The following THSD7B variants were observed in gnomAD, a reference collection of about 807,000 sequenced individuals.
THSD7B encodes the protein thrombospondin type-1 domain-containing protein 7B.
THSD7B carries 138 observed loss-of-function variants against 213.6 expected under a neutral mutation model. The observed-to-expected ratio is 0.65, with a 90% CI of 0.56 to 0.74. The LOEUF (loss-of-function observed/expected upper bound fraction) is 0.74, where lower values mean the gene tolerates loss of function less well. THSD7B is among the 30% of genes least tolerant of loss of function. The pLI is 0.00. For synonymous variants in THSD7B, 742 were observed against 687.0 expected, an observed-to-expected ratio of 1.08 and a Z score of -1.25; for missense variants, 1,931 against 1,991.5, an observed-to-expected ratio of 0.97 and a Z score of 0.58.
chr2:137,520,358 A>G (rs906077657), intron 15 of THSD7B, among the ~76,000 whole-genome samples: 1 of 152,238 alleles, frequency 6.6e-6, no homozygotes, highest in Non-Finnish European at 1.5e-5. Context: ...TTTTTATTGA[A>G]TGCTAACCAT....
chr2:137,615,903 A>T (rs1394041196), intron 17 of THSD7B, among the ~76,000 whole-genome samples: 1 of 152,154 alleles, frequency 6.6e-6, no homozygotes, highest in Non-Finnish European at 1.5e-5. Flanking sequence ...TGTGAGTTTA[A>T]ATGATAGAAA....
chr2:136,815,595 C>T (rs1036480796), intron 1 of THSD7B, among the ~76,000 whole-genome samples: 2 of 152,052 alleles, frequency 1.3e-5, no homozygotes, highest in Non-Finnish European at 2.9e-5. Context: ...AACATTAAAC[C>T]CATGGTTTCA....
intron 2 of THSD7B, among the ~76,000 whole-genome samples, chr2:137,023,541 G>T (rs1482270341): frequency 6.6e-6 from 1 of 152,190 alleles, no homozygotes; most frequent in Non-Finnish European, 1.5e-5. Flanking sequence ...AAATTAAAGG[G>T]AAGTAAGGAG....
intron 12 of THSD7B, among the ~76,000 whole-genome samples, chr2:137,361,573 C>G (rs1685260936): frequency 6.6e-6 from 1 of 152,106 alleles, no homozygotes. Flanking sequence ...GGCACGAGAA[C>G]TACATGATGC....
chr2:137,008,522 A>G (rs946903548), intron 2 of THSD7B, among the ~76,000 whole-genome samples: 1 of 152,192 alleles, frequency 6.6e-6, no homozygotes, highest in Non-Finnish European at 1.5e-5. Flanking sequence ...ATAGTACTTT[A>G]GTTAACCAGG....
intron 2 of THSD7B, among the ~76,000 whole-genome samples, chr2:136,969,545 A>G (rs550923873): frequency 3.8e-4 from 58 of 152,274 alleles, no homozygotes; most frequent in African/African-American, 1.3e-3. Flanking sequence ...AATTCATCCT[A>G]TGTATTTTCC....
At chr2:137,070,711 CT>C (rs1351461645) in intron 3 of THSD7B, among the ~76,000 whole-genome samples, 1 of 152,172 alleles carries the variant, frequency 6.6e-6, no homozygotes, top group African/African-American at 2.4e-5. Context: ...ATCCCTCCCC[CT>C]GTCCCCCACC....
At chr2:137,189,737 G>A (rs536995691) in intron 7 of THSD7B, among the ~76,000 whole-genome samples, 2 of 151,904 alleles carry the variant, frequency 1.3e-5, no homozygotes, top group East Asian at 3.9e-4. Flanking sequence ...CTTTGCCAAG[G>A]GTATTTCTGA....
At chr2:137,496,234 A>G (rs1262257596) in intron 15 of THSD7B, among the ~76,000 whole-genome samples, 3 of 152,186 alleles carry the variant, frequency 2.0e-5, no homozygotes, top group African/African-American at 7.2e-5. Flanking sequence ...CGATGAGTAG[A>G]TTCCAGGTCC....
chr2:136,880,720 A>G (rs1373001387), intron 1 of THSD7B, among the ~76,000 whole-genome samples: 4 of 152,112 alleles, frequency 2.6e-5, no homozygotes, highest in African/African-American at 7.2e-5. Context: ...AGCAATTTCT[A>G]TGACTTCTCA....
chr2:137,285,915 C>G (rs1000366691), intron 12 of THSD7B, among the ~76,000 whole-genome samples: 2 of 151,784 alleles, frequency 1.3e-5, no homozygotes, highest in African/African-American at 4.8e-5. Context: ...ACCAGCCTGA[C>G]CAACATGGTG....
intron 15 of THSD7B, among the ~76,000 whole-genome samples, chr2:137,556,794 T>C (rs1442910922): frequency 1.3e-5 from 2 of 151,840 alleles, no homozygotes; most frequent in Non-Finnish European, 2.9e-5. Context: ...ATTCAGGAGA[T>C]CCATCTCACT....
chr2:137,567,893 A>G (rs1461598373), intron 16 of THSD7B, among the ~76,000 whole-genome samples: 2 of 152,190 alleles, frequency 1.3e-5, no homozygotes, highest in East Asian at 3.8e-4. Context: ...TTATAAATTT[A>G]GTATTTATTG....
rs544618183 is a variant in THSD7B, at chr2:137,234,758, A to G, written c.2150+1625A>G. ...GTGATCGGTTTGCCAAGGATTGGATATGAAGATCAAGGGAAGTGTATGTTT... is the reference window on the plus strand; with the variant it reads ...GTGATCGGTTTGCCAAGGATTGGATGTGAAGATCAAGGGAAGTGTATGTTT... On this transcript the variant is annotated intron_variant, in intron 9 of 27. Transcript: ENST00000409968. Among the ~76,000 whole-genome samples the G allele has an allele frequency of 3.9e-5, 6 of 152,332 alleles. No individual in the cohort carries two copies. The East Asian group carries it at 1.2e-3, about 29-fold the overall frequency.
chr2:137,194,534 A>G (rs1159059480), intron 7 of THSD7B, among the ~76,000 whole-genome samples: 1 of 152,228 alleles, frequency 6.6e-6, no homozygotes, highest in East Asian at 1.9e-4. Flanking sequence ...GAGAGCTTCT[A>G]TCTTTACAAT....
intron 13 of THSD7B, among the ~76,000 whole-genome samples, chr2:137,409,122 T>C (rs1686593476): frequency 6.6e-6 from 1 of 152,192 alleles, no homozygotes; most frequent in South Asian, 2.1e-4. Flanking sequence ...TTCTGTACTA[T>C]GGTAAGCCAC....
At chr2:137,563,442 C>T in intron 16 of THSD7B, 88 bp downstream of exon 16, 10 of 1,494,810 alleles carry the variant, frequency 6.7e-6, no homozygotes, top group East Asian at 2.3e-5. Context: ...TATCCAAGTA[C>T]ACTCTGATTT....
At chr2:136,825,625 G>A (rs1341114063) in intron 1 of THSD7B, among the ~76,000 whole-genome samples, 2 of 151,788 alleles carry the variant, frequency 1.3e-5, no homozygotes, top group Non-Finnish European at 2.9e-5. Flanking sequence ...CGCGATCTTG[G>A]CTCACTGCAA....
chr2:137,670,920 CAAA>C (rs530737012), intron 27 of THSD7B, among the ~76,000 whole-genome samples: 8 of 102,802 alleles, frequency 7.8e-5, no homozygotes, highest in South Asian at 6.7e-4. Flanking sequence ...GACTCCGCCT[CAAA>C]AAAAAAAAAA....
Sources: gnomAD v4.1 joint callset for allele counts (sites outside exome capture counted in the v4.1 genomes callset) on GRCh38, gnomAD v4.1.1 for gene constraint, MANE v1.5 for transcripts, NCBI Gene and HGNC (gene_info 2026-07-23, HGNC 2026-07-21) for gene names.